CWC27: variants seen among roughly 807,000 people sequenced by gnomAD.
CWC27 encodes CWC27 spliceosome associated cyclophilin.
In CWC27, 47 loss-of-function variants were observed where a neutral mutation model predicts 63.6. The ratio of observed to expected loss-of-function variants is 0.74; its 90% CI spans 0.58 to 0.94. The LOEUF (loss-of-function observed/expected upper bound fraction) is 0.94. Among genes scored for constraint, CWC27 ranks in the 40% least tolerant of loss-of-function variants. The pLI, the probability that CWC27 is intolerant of heterozygous loss-of-function variation, is 0.00. For synonymous variants in CWC27, 175 were observed against 179.8 expected, an observed-to-expected ratio of 0.97 and a Z score of 0.22; for missense variants, 495 against 554.3, an observed-to-expected ratio of 0.89 and a Z score of 1.07.
intron 10 of CWC27, among the ~76,000 whole-genome samples, chr5:64,821,822 TA>T (rs1745204069): frequency 6.6e-6 from 1 of 152,202 alleles, no homozygotes; most frequent in Non-Finnish European, 1.5e-5. Flanking sequence ...ATCCTTGACT[TA>T]ACTGCCATAT....
intron 11 of CWC27, among the ~76,000 whole-genome samples, chr5:64,907,650 T>G (rs1747682009): frequency 6.6e-6 from 1 of 152,188 alleles, no homozygotes; most frequent in South Asian, 2.1e-4. Context: ...TTGAATACCC[T>G]TTATTTCTTT....
At chr5:64,794,217 A>T (rs755587729) in intron 7 of CWC27, among the ~76,000 whole-genome samples, 5 of 152,112 alleles carry the variant, frequency 3.3e-5, no homozygotes, top group Non-Finnish European at 5.9e-5. Flanking sequence ...GCAAATTGTG[A>T]GACTCTCTCA....
At position 64,808,193 on chromosome 5, in the gene CWC27, A is replaced by C. The variant is rs942390900; in HGVS notation, c.938+3807A>C. ...CATTTTTAATTAGAATCTGCATTCTAACAAGATCCCCAGGTGATTTTTGTG... is the reference window on the plus strand; with the variant it reads ...CATTTTTAATTAGAATCTGCATTCTCACAAGATCCCCAGGTGATTTTTGTG... On this transcript the variant is annotated intron_variant, in intron 10 of 13. Coordinates refer to ENST00000381070, the MANE Select transcript of CWC27 (RefSeq NM_005869.4). The C allele has an allele frequency of 4.0e-6, 4 of 1,006,348 alleles. 1 individual carries two copies. Among genetic ancestry groups the C allele is most frequent in the Middle Eastern group, 5.0e-4 (1 of 1,994 alleles). 62.3% of individuals were successfully genotyped at this position (1,006,348 alleles called of 1,614,324 possible). A position where few individuals can be genotyped will look rare whatever the true frequency, so the allele number is the denominator to read the frequency against.
At chr5:64,854,896 A>AAG (rs1229365110) in intron 10 of CWC27, among the ~76,000 whole-genome samples, 1 of 152,136 alleles carries the variant, frequency 6.6e-6, no homozygotes, top group Non-Finnish European at 1.5e-5. Flanking sequence ...CCTCTGTAAG[A>AAG]AGACTATTTA....
chr5:64,774,928 G>T, intron 2 of CWC27, 141 bp downstream of exon 2: 1 of 500,462 alleles, frequency 2.0e-6, no homozygotes, highest in East Asian at 3.3e-5. Context: ...TATTGAGCTG[G>T]GTGTCCGGAA....
At chr5:64,995,420 G>C (rs1016658699) in intron 13 of CWC27, among the ~76,000 whole-genome samples, 1 of 151,890 alleles carries the variant, frequency 6.6e-6, no homozygotes, top group Non-Finnish European at 1.5e-5. Flanking sequence ...ATTTCTACCT[G>C]GTGTCATTCT....
chr5:64,882,681 C>T (rs926565512), intron 10 of CWC27, among the ~76,000 whole-genome samples: 6 of 152,180 alleles, frequency 3.9e-5, no homozygotes, highest in African/African-American at 1.2e-4. Context: ...GCAGGCTCCG[C>T]CTCTCGGGTT....
At chr5:64,877,928 C>A (rs931603236) in intron 10 of CWC27, among the ~76,000 whole-genome samples, 2 of 151,786 alleles carry the variant, frequency 1.3e-5, no homozygotes, top group African/African-American at 4.8e-5. Context: ...CTCAGCATCT[C>A]GCTGCTTCCT....
At chr5:64,936,480 T>G (rs1355958805) in intron 11 of CWC27, among the ~76,000 whole-genome samples, 1 of 152,240 alleles carries the variant, frequency 6.6e-6, no homozygotes, top group East Asian at 1.9e-4. Context: ...AGCTTTTTGA[T>G]GTGCTGCTGG....
chr5:65,012,966 A>G (rs1481124295), intron 13 of CWC27, among the ~76,000 whole-genome samples: 1 of 152,212 alleles, frequency 6.6e-6, no homozygotes, highest in Admixed American at 6.5e-5. Context: ...CCTGGCACTG[A>G]TAGTTTTTAA....
At chr5:64,924,615 A>G (rs1353592588) in intron 11 of CWC27, among the ~76,000 whole-genome samples, 1 of 152,106 alleles carries the variant, frequency 6.6e-6, no homozygotes, top group African/African-American at 2.4e-5. Flanking sequence ...CTAAATGTGC[A>G]CATCCTTTTG....
At position 64,786,717 on chromosome 5, in the gene CWC27, T is replaced by C. The variant is rs1238318671; in HGVS notation, c.599+90T>C. On this transcript the variant is annotated intron_variant, in intron 6 of 13. Coordinates refer to ENST00000381070, the MANE Select transcript of CWC27 (RefSeq NM_005869.4). ...ATTTCCTTTTATAGTAATTGTTTACTAGCAAAGGAGAGGCCAGTTTGAACC... is the reference window on the plus strand; with the variant it reads ...ATTTCCTTTTATAGTAATTGTTTACCAGCAAAGGAGAGGCCAGTTTGAACC... 3 of 773,530 alleles carry C rather than the reference T, an allele frequency of 3.9e-6. No homozygotes were observed. The Admixed American group carries it at 1.0e-4, about 27-fold the overall frequency. 47.9% of individuals were successfully genotyped at this position (773,530 alleles called of 1,614,324 possible). A position where few individuals can be genotyped will look rare whatever the true frequency, so the allele number is the denominator to read the frequency against.
At chr5:64,787,695 T>G (rs915326732) in intron 6 of CWC27, among the ~76,000 whole-genome samples, 1 of 152,122 alleles carries the variant, frequency 6.6e-6, no homozygotes. Flanking sequence ...TTATTAATAC[T>G]GTCTGTATAT....
intron 11 of CWC27, among the ~76,000 whole-genome samples, chr5:64,950,058 A>G (rs1241880355): frequency 6.6e-6 from 1 of 152,024 alleles, no homozygotes; most frequent in South Asian, 2.1e-4. Flanking sequence ...TAGTTTAGTA[A>G]TAACTTTATA....
intron 13 of CWC27, among the ~76,000 whole-genome samples, chr5:64,993,999 C>T (rs534176162): frequency 6.6e-6 from 1 of 152,156 alleles, no homozygotes; most frequent in Middle Eastern, 3.4e-3. Flanking sequence ...GTCTGTATTT[C>T]TTTAAAGGTA....
chr5:64,915,493 T>C (rs1008482294), intron 11 of CWC27, among the ~76,000 whole-genome samples: 1 of 152,210 alleles, frequency 6.6e-6, no homozygotes, highest in African/African-American at 2.4e-5. Flanking sequence ...CTTTTTTAAC[T>C]TGTGTACTTT....
chr5:64,772,295 T>C (rs1306340675), intron 1 of CWC27, among the ~76,000 whole-genome samples: 1 of 152,088 alleles, frequency 6.6e-6, no homozygotes, highest in Non-Finnish European at 1.5e-5. Context: ...TATATTTGTA[T>C]TTTTTTCCTT....
intron 10 of CWC27, among the ~76,000 whole-genome samples, chr5:64,839,399 T>C (rs1351278506): frequency 1.3e-5 from 2 of 152,234 alleles, no homozygotes; most frequent in Non-Finnish European, 2.9e-5. Context: ...TTATATATGA[T>C]ACAAGCAGTG....
At chr5:64,807,349 G>C (rs1428320765) in intron 10 of CWC27, among the ~76,000 whole-genome samples, 5 of 152,056 alleles carry the variant, frequency 3.3e-5, no homozygotes, top group Non-Finnish European at 7.4e-5. Flanking sequence ...TATTTAAACT[G>C]GGGAATGATA....
Sources: allele counts gnomAD v4.1 joint callset (sites outside exome capture counted in the v4.1 genomes callset), GRCh38; gene constraint gnomAD v4.1.1; transcripts MANE v1.5; gene names NCBI Gene and HGNC (gene_info 2026-07-23, HGNC 2026-07-21).